Variants in PAPOLG observed in about 807,000 individuals in gnomAD.
The protein encoded by PAPOLG is poly(A) polymerase gamma.
A neutral mutation model predicts 99.0 loss-of-function variants in PAPOLG; 40 were observed. That is an observed-to-expected ratio of 0.40 (90% CI 0.31 to 0.53). The LOEUF is 0.53. Among genes scored for constraint, PAPOLG ranks in the 20% least tolerant of loss-of-function variants. PAPOLG has a pLI of 0.41. For synonymous variants in PAPOLG, 310 were observed against 299.3 expected (o/e 1.04, Z -0.37); for missense variants, 675 against 884.1 (o/e 0.76, Z 3.00).
intron 2 of PAPOLG, among the ~76,000 whole-genome samples, chr2:60,761,226 A>G (rs887334681): frequency 3.3e-5 from 5 of 152,180 alleles, no homozygotes; most frequent in Admixed American, 6.5e-5. Flanking sequence ...TCTAAACCCT[A>G]CTTTTCTCTT....
At chr2:60,778,472 C>G (rs528810920) in intron 8 of PAPOLG, among the ~76,000 whole-genome samples, 9 of 152,074 alleles carry the variant, frequency 5.9e-5, no homozygotes, top group Admixed American at 1.3e-4. Flanking sequence ...GCCACAGTGC[C>G]TGGCTGAGTG....
At chr2:60,766,584 T>C (rs909595340) in intron 3 of PAPOLG, among the ~76,000 whole-genome samples, 1 of 151,996 alleles carries the variant, frequency 6.6e-6, no homozygotes. Context: ...GGGGAATATT[T>C]TGTGCTCAGT....
intron 17 of PAPOLG, 36 bp downstream of exon 17, chr2:60,792,325 C>T (rs1416965542): frequency 4.5e-6 from 7 of 1,542,144 alleles, no homozygotes; most frequent in Non-Finnish European, 6.2e-6. Flanking sequence ...TTTTGGTTTT[C>T]TGTTCAGTTT....
In PAPOLG at chr2:60,779,637, G is replaced by A; in HGVS notation, c.695G>A (p.Arg232Gln). The change falls in exon 9 of 22, where the codon CGA becomes CAA. Residue 232 changes from arginine (R) to glutamine (Q), a missense_variant and splice_region_variant. Arg to Gln is a conservative substitution (Grantham distance 43). Around this residue, in one of 3 missense-constraint regions of PAPOLG, gnomAD observed 113 missense variants for 231.5 expected, o/e 0.49. Coordinates refer to ENST00000238714, the MANE Select transcript of PAPOLG (RefSeq NM_022894.4). ...TLRAVKLWAKRRGIYSNMLGF... is the reference protein window; with the variant it reads ...TLRAVKLWAKQRGIYSNMLGF... ...ATTAACAAATATATTGATTTTCTAG[G>A]ACGTGGTATTTATTCCAACATGCTA... 2.5e-6 allele frequency: 4 copies of A among 1,603,474 alleles called. No individual in the cohort carries two copies. The highest frequency in any genetic ancestry group is 2.6e-6 in the Non-Finnish European group (3 of 1,173,780).
chr2:60,797,473 C>A lies in PAPOLG; in HGVS notation c.*313C>A. ...GCTTGTTATGGGAACCAGTTCTTAG[C>A]CACTTGGACACTGATAACAAGTCCT... On this transcript the variant is annotated 3_prime_UTR_variant, in exon 22 of 22. Coordinates refer to ENST00000238714, the MANE Select transcript of PAPOLG (RefSeq NM_022894.4). The A allele has an allele frequency of 3.4e-6, 1 of 290,714 alleles. No homozygotes were observed. The allele number at this position is 290,714 out of a possible 1,614,324, so 18.0% of individuals were successfully genotyped here.
In PAPOLG at chr2:60,794,079, A is replaced by G; in HGVS notation, c.1877A>G (p.Gln626Arg). ...PRITTPHNPA[Q>R]GQPHLNGMSN... Reference sequence around the variant, plus strand: ...ATCACAACACCTCACAACCCTGCCCAGGGACAACCGCATCTGAATGGAATG... The same window carrying G: ...ATCACAACACCTCACAACCCTGCCCGGGGACAACCGCATCTGAATGGAATG... Residue 626 changes from glutamine to arginine, a missense_variant, in exon 19 of 22, where the codon CAG becomes CGG. By Grantham distance (43) the Gln-to-Arg change is conservative (BLOSUM62 1). This residue lies in a region of PAPOLG where 413 missense variants were observed against 460.5 expected (regional missense o/e 0.90). Transcript: ENST00000238714. The G allele has an allele frequency of 2.5e-6, 4 of 1,614,154 alleles. No homozygotes were observed. The highest frequency in any genetic ancestry group is 3.4e-6 in the Non-Finnish European group (4 of 1,180,004).
intron 1 of PAPOLG, among the ~76,000 whole-genome samples, chr2:60,757,139 C>T (rs1323373658): frequency 6.6e-6 from 1 of 152,190 alleles, no homozygotes; most frequent in Non-Finnish European, 1.5e-5. Context: ...TTTAAACATG[C>T]AGAAAAATGT....
At chr2:60,765,842 A>G (rs1223286939) in intron 3 of PAPOLG, among the ~76,000 whole-genome samples, 2 of 152,180 alleles carry the variant, frequency 1.3e-5, no homozygotes, top group Admixed American at 6.5e-5. Flanking sequence ...ATTCCTGGGC[A>G]TGGTGGTGCA....
In PAPOLG at chr2:60,760,227, C is replaced by T; in HGVS notation, c.111C>T (p.Tyr37=). 1 of 1,613,970 alleles carries T rather than the reference C, an allele frequency of 6.2e-7. No individual in the cohort carries two copies. The highest frequency in any genetic ancestry group is 8.5e-7 in the Non-Finnish European group (1 of 1,179,876). ...LASPKEIDHI[Y]TQKLIDAMKP... ...CTCCTAAAGAAATTGATCATATTTA[C>T]ACACAGAAATTAATTGACGCCATGA... Residue 37 remains tyrosine (Y), a synonymous_variant, in exon 2 of 22, where the codon TAC becomes TAT. Coordinates refer to ENST00000238714, the MANE Select transcript of PAPOLG (RefSeq NM_022894.4).
intron 10 of PAPOLG, 145 bp from the exon 11 acceptor site, chr2:60,781,740 C>G (rs972957321): frequency 1.0e-6 from 1 of 995,816 alleles, no homozygotes; most frequent in Non-Finnish European, 1.5e-6. Context: ...GAAATAAATG[C>G]AGTTGGGGAG....
rs139805587 is a variant in PAPOLG, at chr2:60,759,011, G to A, written c.18-1123G>A. On this transcript the variant is annotated intron_variant, in intron 1 of 21. Coordinates refer to ENST00000238714, the MANE Select transcript of PAPOLG (RefSeq NM_022894.4). ...CTTTCATAGCAAAATTAGAAGTTTT[G>A]CCAACCCCTGTTGGTCCCAGAATTT... is the stretch of plus-strand genomic sequence containing the variant. Among the ~76,000 whole-genome samples the A allele has an allele frequency of 4.8e-3, 726 of 152,180 alleles. 3 individuals are homozygous for A. The highest frequency in any genetic ancestry group is 0.034 in the Middle Eastern group (10 of 294).
intron 8 of PAPOLG, among the ~76,000 whole-genome samples, chr2:60,775,777 T>G (rs533671314): frequency 2.0e-5 from 3 of 152,230 alleles, no homozygotes; most frequent in African/African-American, 7.2e-5. Flanking sequence ...TTTTTTTTCT[T>G]TTTTTGAGAC....
At chr2:60,775,380 G>C (rs1405655049) in intron 8 of PAPOLG, among the ~76,000 whole-genome samples, 1 of 152,186 alleles carries the variant, frequency 6.6e-6, no homozygotes, top group Non-Finnish European at 1.5e-5. Context: ...GAATAATTCA[G>C]AACTTGAAGA....
chr2:60,790,061 T>G (rs181574052), intron 15 of PAPOLG, among the ~76,000 whole-genome samples: 1 of 152,220 alleles, frequency 6.6e-6, no homozygotes, highest in East Asian at 1.9e-4. Context: ...GCTGTTGCAC[T>G]CCAGCCTGGG....
chr2:60,791,846 C>A lies in PAPOLG; in HGVS notation c.1482C>A (p.His494Gln). 1.2e-6 allele frequency: 2 copies of A among 1,613,538 alleles called. No individual in the cohort carries two copies. Among genetic ancestry groups the A allele is most frequent in the Non-Finnish European group, 1.7e-6 (2 of 1,179,886 alleles). ...ATGTAAAGAAAAAACAACTTCACCA[C>A]TACCTTCCTGCAGAAATTCTTCAAA... ...ATHVKKKQLH[H>Q]YLPAEILQKK... The change falls in exon 16 of 22, where the codon CAC becomes CAA. Residue 494 changes from histidine to glutamine, a missense_variant. Physicochemically the swap from His to Gln is conservative, Grantham distance 24. This residue lies in a region of PAPOLG where 413 missense variants were observed against 460.5 expected (regional missense o/e 0.90). Transcript: ENST00000238714.
chr2:60,783,313 T>C (rs1388552543), intron 13 of PAPOLG, 104 bp downstream of exon 13: 1 of 520,408 alleles, frequency 1.9e-6, no homozygotes, highest in Non-Finnish European at 3.1e-6. Flanking sequence ...ATTTTCAAAA[T>C]TATTATATCT....
chr2:60,770,622 C>CT (rs372540738), intron 6 of PAPOLG, 111 bp downstream of exon 6: 13,109 of 501,230 alleles, frequency 0.026, no homozygotes, highest in East Asian at 0.062. Flanking sequence ...CAAGTAATCT[C>CT]TTTTTTTTTT....
intron 1 of PAPOLG, 44 bp downstream of exon 1, chr2:60,756,539 G>A (rs1451481097): frequency 1.3e-6 from 2 of 1,564,188 alleles, no homozygotes; most frequent in Admixed American, 1.8e-5. Context: ...GGGTAGGGGT[G>A]AGCTGAGGTG....
Position 60,777,230 on chromosome 2 carries a change from C to T in PAPOLG, c.694+2107C>T, listed in dbSNP as rs145949048. 1.3e-3 allele frequency among the ~76,000 whole-genome samples: 196 copies of T among 152,156 alleles called. 3 individuals are homozygous for T. The East Asian group carries it at 0.035, about 27-fold the overall frequency. ...CAGTACTTTGGGAGGCCGAGGCGAGCGGATCATGAGGTCAGGAGAGTTCGA... is the reference window on the plus strand; with the variant it reads ...CAGTACTTTGGGAGGCCGAGGCGAGTGGATCATGAGGTCAGGAGAGTTCGA... On this transcript the variant is annotated intron_variant, in intron 8 of 21. Transcript: ENST00000238714.
Sources: gnomAD v4.1 joint callset for allele counts (sites outside exome capture counted in the v4.1 genomes callset) on GRCh38, gnomAD v4.1.1 for gene constraint, gnomAD v4.1.1 regional missense constraint, MANE v1.5 for transcripts, NCBI Gene and HGNC (gene_info 2026-07-23, HGNC 2026-07-21) for gene names.